The following CTNNBIP1 variants were observed in gnomAD, a reference collection of about 807,000 sequenced individuals.
The protein encoded by CTNNBIP1 is catenin beta interacting protein 1.
In CTNNBIP1, 7 loss-of-function variants were observed where a neutral mutation model predicts 11.8. The observed-to-expected ratio is 0.60, with a 90% confidence interval of 0.34 to 1.12. The LOEUF (loss-of-function observed/expected upper bound fraction) is 1.12, where lower values mean the gene tolerates loss of function less well. Ranked by LOEUF, CTNNBIP1 falls within the 50% of genes most tolerant of loss-of-function variation. The probability of loss-of-function intolerance (pLI) is 0.03; values close to 1 mark genes in which losing one functional copy is unlikely to be tolerated. For missense variants in CTNNBIP1, 101 were observed against 113.4 expected (o/e 0.89, Z 0.50); for synonymous variants, 58 against 43.9 (o/e 1.32, Z -1.26).
At chr1:9,876,595 C>T (rs776816864) in intron 3 of CTNNBIP1, among the ~76,000 whole-genome samples, 4 of 152,052 alleles carry the variant, frequency 2.6e-5, no homozygotes, top group East Asian at 1.9e-4. Flanking sequence ...CCAACCTGAG[C>T]GACAGAGTGA....
chr1:9,902,165 T>C (rs1034286997), intron 1 of CTNNBIP1, among the ~76,000 whole-genome samples: 2 of 152,108 alleles, frequency 1.3e-5, no homozygotes, highest in African/African-American at 4.8e-5. Flanking sequence ...TGTGCATCAG[T>C]TCCCCCAGGA....
intron 1 of CTNNBIP1, among the ~76,000 whole-genome samples, chr1:9,906,849 A>G (rs188055422): frequency 6.6e-6 from 1 of 152,298 alleles, no homozygotes; most frequent in Admixed American, 6.5e-5. Context: ...ATATTTGAAG[A>G]GTTTACATTT....
Position 9,897,092 on chromosome 1 carries a change from G to T in CTNNBIP1, c.-144+13003C>A, listed in dbSNP as rs909283290. On this transcript the variant is annotated intron_variant, in intron 1 of 5. Coordinates refer to ENST00000377263, the MANE Select transcript of CTNNBIP1 (RefSeq NM_020248.3). ...GGGAGGAGGAGTTGCAATGAGCCAA[G>T]ATCACATCACTGCATTGCACTCCAG... Among the ~76,000 whole-genome samples the T allele has an allele frequency of 2.5e-4, 38 of 151,590 alleles. 1 individual carries two copies. The highest frequency in any genetic ancestry group is 9.2e-4 in the African/African-American group (38 of 41,288).
At chr1:9,884,164 G>A (rs1469626862) in intron 1 of CTNNBIP1, among the ~76,000 whole-genome samples, 1 of 152,152 alleles carries the variant, frequency 6.6e-6, no homozygotes, top group Non-Finnish European at 1.5e-5. Flanking sequence ...CAGTGAGTGG[G>A]GGCGACGGGA....
At chr1:9,855,338 C>T (rs1232318528) in intron 5 of CTNNBIP1, among the ~76,000 whole-genome samples, 3 of 148,624 alleles carry the variant, frequency 2.0e-5, no homozygotes, top group Non-Finnish European at 4.4e-5. Flanking sequence ...ATATCCAACA[C>T]CACCTTGAAA....
At chr1:9,889,979 G>A (rs1441215809) in intron 1 of CTNNBIP1, among the ~76,000 whole-genome samples, 1 of 152,172 alleles carries the variant, frequency 6.6e-6, no homozygotes, top group African/African-American at 2.4e-5. Context: ...AACCATGAAG[G>A]AAGTGCCCCC....
intron 3 of CTNNBIP1, among the ~76,000 whole-genome samples, chr1:9,877,471 C>T (rs544949161): frequency 1.3e-5 from 2 of 152,304 alleles, no homozygotes; most frequent in South Asian, 2.1e-4. Flanking sequence ...TAAGCTCAGG[C>T]GAGGCCAGGG....
intron 1 of CTNNBIP1, among the ~76,000 whole-genome samples, chr1:9,889,837 A>AT (rs1639264966): frequency 6.6e-6 from 1 of 152,148 alleles, no homozygotes; most frequent in South Asian, 2.1e-4. Flanking sequence ...GGAGTGATAT[A>AT]TTTTTTTCCC....
At chr1:9,864,466 C>T (rs1638700945) in intron 5 of CTNNBIP1, among the ~76,000 whole-genome samples, 1 of 152,238 alleles carries the variant, frequency 6.6e-6, no homozygotes, top group African/African-American at 2.4e-5. Flanking sequence ...GTAGCCAGGA[C>T]TACAGGCGCC....
At position 9,883,029 on chromosome 1, in the gene CTNNBIP1, G is replaced by T. The variant is rs2101509284; in HGVS notation, c.-110+676C>A. Among the ~76,000 whole-genome samples the T allele has an allele frequency of 6.6e-6, 1 of 152,328 alleles. No individual in the cohort carries two copies. The highest frequency in any genetic ancestry group is 2.1e-4 in the South Asian group (1 of 4,826). On this transcript the variant is annotated intron_variant, in intron 2 of 5. Transcript: ENST00000377263. The surrounding 1 kb of genome is among the most constrained non-coding windows in gnomAD (Gnocchi z 5.6). ...AAGAAAACACGTGCAAGCACGGGTG[G>T]GGCAGCCGCAGGGCAGGGGGCTCCT...
At chr1:9,891,359 C>T (rs923597755) in intron 1 of CTNNBIP1, among the ~76,000 whole-genome samples, 3 of 152,216 alleles carry the variant, frequency 2.0e-5, no homozygotes, top group Non-Finnish European at 4.4e-5. Context: ...TCTCCCCTTG[C>T]CCCATTCCCT....
intron 5 of CTNNBIP1, 89 bp from the exon 6 acceptor site, chr1:9,850,865 C>G (rs1638368607): frequency 8.4e-7 from 1 of 1,190,228 alleles, no homozygotes; most frequent in Admixed American, 1.7e-5. Context: ...CAAGCTGGAG[C>G]CCCCGCCCAC....
chr1:9,893,155 G>A (rs1371279215), intron 1 of CTNNBIP1: 1 of 152,166 alleles, frequency 6.6e-6, no homozygotes, highest in East Asian at 1.9e-4. Flanking sequence ...TACAGCACCT[G>A]ATACAATAGG....
intron 1 of CTNNBIP1, among the ~76,000 whole-genome samples, chr1:9,905,417 C>A (rs1023518720): frequency 6.6e-6 from 1 of 152,048 alleles, no homozygotes; most frequent in African/African-American, 2.4e-5. Flanking sequence ...ATCTCTTTCA[C>A]CACCCTACAT....
intron 5 of CTNNBIP1, among the ~76,000 whole-genome samples, chr1:9,866,817 G>T (rs575067683): frequency 7.4e-4 from 112 of 152,092 alleles, no homozygotes; most frequent in Non-Finnish European, 1.2e-3. Context: ...GTGATCTGAA[G>T]CTGTGAGACA....
intron 1 of CTNNBIP1, among the ~76,000 whole-genome samples, chr1:9,908,081 C>T (rs1416003751): frequency 3.3e-5 from 5 of 152,212 alleles, no homozygotes; most frequent in African/African-American, 7.2e-5. Context: ...CCGCCCAAGA[C>T]GGAGTTTTGC....
At chr1:9,854,984 A>G (rs978932310) in intron 5 of CTNNBIP1, among the ~76,000 whole-genome samples, 6 of 152,144 alleles carry the variant, frequency 3.9e-5, no homozygotes, top group African/African-American at 1.4e-4. Flanking sequence ...GCCCACTAAA[A>G]AACTATTAGG....
chr1:9,897,700 G>A lies in CTNNBIP1; in HGVS notation c.-144+12395C>T, dbSNP rs375888307. ...GTGGTGGCAGGCGCCTGTAATCCCA[G>A]TGACTCAGGTGGCTGAGGCAGGAGA... On this transcript the variant is annotated intron_variant, in intron 1 of 5. Coordinates refer to ENST00000377263, the MANE Select transcript of CTNNBIP1 (RefSeq NM_020248.3). Among the ~76,000 whole-genome samples the A allele has an allele frequency of 1.5e-3, 232 of 152,222 alleles. 3 individuals are homozygous for A. Among genetic ancestry groups the A allele is most frequent in the African/African-American group, 5.3e-3 (219 of 41,562 alleles).
chr1:9,902,283 G>C (rs573466367), intron 1 of CTNNBIP1, among the ~76,000 whole-genome samples: 1 of 152,124 alleles, frequency 6.6e-6, no homozygotes, highest in South Asian at 2.1e-4. Context: ...GACAAGGTCT[G>C]GCGCCTGTTA....
Sources: allele counts gnomAD v4.1 joint callset (sites outside exome capture counted in the v4.1 genomes callset), GRCh38; gene constraint gnomAD v4.1.1; non-coding constraint Gnocchi (gnomAD v3.1); transcripts MANE v1.5; gene names NCBI Gene and HGNC (gene_info 2026-07-23, HGNC 2026-07-21).